Variants in DENND2C observed in about 807,000 individuals in gnomAD.
The protein encoded by DENND2C is DENN domain containing 2C.
Under a neutral mutation model 112.4 loss-of-function variants are expected in DENND2C, and 72 were observed. That is an observed-to-expected ratio of 0.64 (90% CI 0.53 to 0.78). The LOEUF (loss-of-function observed/expected upper bound fraction) is 0.78, where lower values mean the gene tolerates loss of function less well. Ranked by LOEUF, DENND2C falls within the 30% of genes least tolerant of loss-of-function variation. The pLI, the probability that DENND2C is intolerant of heterozygous loss-of-function variation, is 0.00. For missense variants in DENND2C, 992 were observed against 1,113.8 expected, an observed-to-expected ratio of 0.89 and a Z score of 1.56; for synonymous variants, 329 against 381.6, an observed-to-expected ratio of 0.86 and a Z score of 1.61.
At chr1:114,668,020 G>GT (rs2101704531) in intron 1 of DENND2C, among the ~76,000 whole-genome samples, 1 of 152,152 alleles carries the variant, frequency 6.6e-6, no homozygotes, top group East Asian at 1.9e-4. Context: ...AACAGCTTTT[G>GT]TTTTTTCAGT....
intron 3 of DENND2C, among the ~76,000 whole-genome samples, chr1:114,631,755 C>A (rs1292471626): frequency 6.6e-6 from 1 of 151,952 alleles, no homozygotes. Context: ...GCACTCCAGC[C>A]TGGGCAACAG....
chr1:114,666,519 G>A (rs893535931), intron 1 of DENND2C, among the ~76,000 whole-genome samples: 6 of 151,996 alleles, frequency 3.9e-5, no homozygotes, highest in Admixed American at 2.0e-4. Context: ...GCAGGTGCAC[G>A]ACCTCAGCTC....
intron 8 of DENND2C, among the ~76,000 whole-genome samples, chr1:114,614,305 T>C (rs1375564574): frequency 2.0e-5 from 3 of 151,738 alleles, no homozygotes; most frequent in African/African-American, 4.8e-5. Context: ...GACTTCACAG[T>C]AGGTAAATAT....
At chr1:114,639,238 C>A (rs1487472201) in intron 3 of DENND2C, among the ~76,000 whole-genome samples, 1 of 152,122 alleles carries the variant, frequency 6.6e-6, no homozygotes, top group African/African-American at 2.4e-5. Flanking sequence ...ATGGTGCAAC[C>A]CCTTTGGAAA....
intron 2 of DENND2C, among the ~76,000 whole-genome samples, chr1:114,649,113 CCTGA>C (rs1298580876): frequency 6.6e-6 from 1 of 151,870 alleles, no homozygotes; most frequent in African/African-American, 2.4e-5. Context: ...TGCCACCATG[CCTGA>C]CTAATTTTTG....
intron 2 of DENND2C, among the ~76,000 whole-genome samples, chr1:114,649,494 C>T (rs1301591365): frequency 1.3e-5 from 2 of 152,122 alleles, no homozygotes; most frequent in Non-Finnish European, 2.9e-5. Flanking sequence ...CCTGCCTCTG[C>T]CTCCCAAGTA....
In DENND2C at chr1:114,600,965, A is replaced by G; in HGVS notation, c.1816-5T>C. ...CTTCTCTACTTCATCCAGAATCTAT[A>G]TACGCAAAGTGTTATTTTATTATGG... On this transcript the variant is annotated splice_polypyrimidine_tract_variant and splice_region_variant and intron_variant, in intron 13 of 20. Transcript: ENST00000393274. 6.2e-7 allele frequency: 1 copy of G among 1,611,324 alleles called. No homozygotes were observed. Among genetic ancestry groups the G allele is most frequent in the Non-Finnish European group, 8.5e-7 (1 of 1,178,592 alleles).
At chr1:114,669,283 T>C (rs929933528) in intron 1 of DENND2C, among the ~76,000 whole-genome samples, 4 of 152,154 alleles carry the variant, frequency 2.6e-5, no homozygotes, top group South Asian at 2.1e-4. Context: ...AGAATACCCA[T>C]AGGCATGAAC....
At chr1:114,645,272 T>C (rs1656949187) in intron 3 of DENND2C, among the ~76,000 whole-genome samples, 176 bp downstream of exon 3, 1 of 152,128 alleles carries the variant, frequency 6.6e-6, no homozygotes, top group Non-Finnish European at 1.5e-5. Flanking sequence ...ATCAGGTCTC[T>C]TGAGAGGTAA....
At chr1:114,669,058 G>C (rs897434656) in intron 1 of DENND2C, among the ~76,000 whole-genome samples, 1 of 152,154 alleles carries the variant, frequency 6.6e-6, no homozygotes, top group African/African-American at 2.4e-5. Context: ...GTCACTTTGT[G>C]GGAAAAGTTT....
chr1:114,587,945 T>A lies in DENND2C; in HGVS notation c.2439A>T (p.Thr813=). 6.2e-7 allele frequency: 1 copy of A among 1,613,668 alleles called. No homozygotes were observed. ...ATGCTTCGGACACCAGAGAGTTGAG[T>A]GTCACATCTGCTGCAACATGAAAAA... ...TQEQNFSQDV[T]LNSLVSEAFV... Residue 813 remains threonine, a synonymous_variant, in exon 19 of 21, where the codon ACA becomes ACT. Coordinates refer to ENST00000393274, the MANE Select transcript of DENND2C (RefSeq NM_001256404.2).
At chr1:114,646,025 C>T (rs1656975741) in intron 2 of DENND2C, among the ~76,000 whole-genome samples, 1 of 151,876 alleles carries the variant, frequency 6.6e-6, no homozygotes, top group South Asian at 2.1e-4. Context: ...CTCCCGGGTT[C>T]ACGCCATTCT....
rs866554293 is a variant in DENND2C at position 114,608,973 on chromosome 1, C to T, written c.1370-100G>A. 8.7e-6 allele frequency: 11 copies of T among 1,268,842 alleles called. No homozygotes were observed. In the Middle Eastern group the frequency reaches 9.3e-4, roughly 108 times the overall value. 78.6% of individuals were successfully genotyped at this position (1,268,842 alleles called of 1,614,324 possible). ...CACATAGGATTAATCTTCACACAGT[C>T]ACTGCTGAATGAATGTTGAATAACC... On this transcript the variant is annotated intron_variant, in intron 9 of 20. Transcript: ENST00000393274.
In DENND2C at chr1:114,583,330, AC is replaced by A. The variant is rs1250169398; in HGVS notation, c.*2269del. On this transcript the variant is annotated 3_prime_UTR_variant, in exon 21 of 21. Transcript: ENST00000393274. ...ATGACAATACTGTACAAGTCAATAA[AC>A]TGTATCACAATACAACTTACACAGT... 1 of 151,996 alleles carries A rather than the reference AC, an allele frequency of 6.6e-6. No individual in the cohort carries two copies. Among genetic ancestry groups the A allele is most frequent in the Non-Finnish European group, 1.5e-5 (1 of 67,956 alleles). The allele number at this position is 151,996 out of a possible 1,614,324, so 9.4% of individuals were successfully genotyped here.
chr1:114,632,410 GA>G (rs1157771808), intron 3 of DENND2C, among the ~76,000 whole-genome samples: 4 of 151,142 alleles, frequency 2.6e-5, no homozygotes, highest in East Asian at 1.9e-4. Flanking sequence ...AGAAGTCAGA[GA>G]AAAAAAATAT....
chr1:114,603,041 C>T (rs1373708763), intron 11 of DENND2C, among the ~76,000 whole-genome samples: 2 of 152,066 alleles, frequency 1.3e-5, no homozygotes, highest in South Asian at 2.1e-4. Flanking sequence ...AAAATATCAA[C>T]TCATTAGAAA....
chr1:114,589,557 G>A (rs1655130264), intron 18 of DENND2C, among the ~76,000 whole-genome samples: 1 of 149,948 alleles, frequency 6.7e-6, no homozygotes, highest in Non-Finnish European at 1.5e-5. Flanking sequence ...TTTTTTTGTA[G>A]AGATGGGGTC....
At chr1:114,641,468 G>A (rs552124655) in intron 3 of DENND2C, among the ~76,000 whole-genome samples, 1 of 152,094 alleles carries the variant, frequency 6.6e-6, no homozygotes, top group Non-Finnish European at 1.5e-5. Flanking sequence ...GATCCCTCAT[G>A]AATGGCTAAC....
chr1:114,648,384 C>T (rs1490734147), intron 2 of DENND2C, among the ~76,000 whole-genome samples: 1 of 152,116 alleles, frequency 6.6e-6, no homozygotes, highest in African/African-American at 2.4e-5. Flanking sequence ...GCCTCAAAGG[C>T]CAAAACCAAA....
Sources: allele counts gnomAD v4.1 joint callset (sites outside exome capture counted in the v4.1 genomes callset), GRCh38; gene constraint gnomAD v4.1.1; transcripts MANE v1.5; gene names NCBI Gene and HGNC (gene_info 2026-07-23, HGNC 2026-07-21).